GRM3: variants seen among roughly 807,000 people sequenced by gnomAD.
The protein encoded by GRM3 is glutamate metabotropic receptor 3.
GRM3 carries 26 observed loss-of-function variants against 70.5 expected under a neutral mutation model. The ratio of observed to expected loss-of-function variants is 0.37; its 90% CI spans 0.27 to 0.51. The LOEUF is 0.51. Among genes scored for constraint, GRM3 ranks in the 20% least tolerant of loss-of-function variants. GRM3 has a pLI of 0.93. For missense variants in GRM3, 859 were observed against 1,123.8 expected, an observed-to-expected ratio of 0.76 and a Z score of 3.37; for synonymous variants, 443 against 434.9, an observed-to-expected ratio of 1.02 and a Z score of -0.23.
chr7:86,786,364 T>A lies in GRM3; in HGVS notation c.572T>A (p.Val191Glu). ...CGCTATGATTACTTTGCCAGGACCG[T>A]GCCCCCCGACTTCTACCAGGCCAAA... is the stretch of plus-strand genomic sequence containing the variant. ...KSRYDYFARTVPPDFYQAKAM... is the reference protein window; with the variant it reads ...KSRYDYFARTEPPDFYQAKAM... Residue 191 changes from valine (V) to glutamate (E), a missense_variant, in exon 3 of 6, where the codon GTG becomes GAG. Val to Glu is a moderately radical substitution (Grantham distance 121). Transcript: ENST00000361669. This position sits in a 1 kb window ranked among gnomAD's most constrained non-coding sequence, Gnocchi z 6.0. The A allele has an allele frequency of 6.2e-7, 1 of 1,614,184 alleles. No homozygotes were observed. Among genetic ancestry groups the A allele is most frequent in the Non-Finnish European group, 8.5e-7 (1 of 1,180,022 alleles).
chr7:86,710,237 A>C (rs908395417), intron 1 of GRM3: 6 of 151,956 alleles, frequency 3.9e-5, no homozygotes, highest in Non-Finnish European at 7.4e-5. Context: ...TTTCTTTTCT[A>C]TGAACTCCCT....
chr7:86,699,599 G>T (rs1794903783), intron 1 of GRM3, among the ~76,000 whole-genome samples: 2 of 151,958 alleles, frequency 1.3e-5, no homozygotes, highest in Admixed American at 1.3e-4. Flanking sequence ...AATATTCTTT[G>T]GTTTTCCACA....
At chr7:86,788,808 T>G (rs925995043) in intron 3 of GRM3, among the ~76,000 whole-genome samples, 2 of 152,262 alleles carry the variant, frequency 1.3e-5, no homozygotes, top group Admixed American at 1.3e-4. Flanking sequence ...CAGGGTATTA[T>G]TTATCTTTAC....
chr7:86,814,913 T>G (rs1028119721), intron 3 of GRM3, among the ~76,000 whole-genome samples: 2 of 151,614 alleles, frequency 1.3e-5, no homozygotes, highest in Non-Finnish European at 3.0e-5. Context: ...GAATTATGCA[T>G]TAAACAGAAT....
chr7:86,824,971 T>G (rs543599127), intron 3 of GRM3, among the ~76,000 whole-genome samples: 2 of 152,198 alleles, frequency 1.3e-5, no homozygotes, highest in African/African-American at 2.4e-5. Context: ...CAGGGAGATT[T>G]TCTAAAAAGG....
chr7:86,803,875 A>G (rs1359500463), intron 3 of GRM3, among the ~76,000 whole-genome samples: 1 of 152,184 alleles, frequency 6.6e-6, no homozygotes, highest in East Asian at 1.9e-4. Context: ...AATTTTAGTA[A>G]TCGTTGTGAA....
At chr7:86,767,546 TATATATATATATAA>T (rs1357466649) in intron 2 of GRM3, among the ~76,000 whole-genome samples, 3 of 105,742 alleles carry the variant, frequency 2.8e-5, no homozygotes, top group African/African-American at 1.2e-4. Context: ...TATATATATA[TATATATATATATAA>T]ATGAAGTATG....
chr7:86,655,849 T>G (rs1055139196), intron 1 of GRM3, among the ~76,000 whole-genome samples: 82 of 144,614 alleles, frequency 5.7e-4, no homozygotes, highest in East Asian at 1.6e-3. Flanking sequence ...TGTGTGTGTG[T>G]GTGGGTGGGT....
At chr7:86,650,721 A>G (rs1793582800) in intron 1 of GRM3, among the ~76,000 whole-genome samples, 1 of 152,346 alleles carries the variant, frequency 6.6e-6, no homozygotes, top group South Asian at 2.1e-4. Context: ...TTCAATGACC[A>G]TTATCATCTG....
At chr7:86,709,352 T>A (rs1241054082) in intron 1 of GRM3, among the ~76,000 whole-genome samples, 1 of 152,052 alleles carries the variant, frequency 6.6e-6, no homozygotes, top group Non-Finnish European at 1.5e-5. Context: ...CTCCACTGCT[T>A]CATAGTTCCC....
chr7:86,743,593 TTG>T (rs1796037725), intron 1 of GRM3, among the ~76,000 whole-genome samples: 1 of 152,094 alleles, frequency 6.6e-6, no homozygotes, highest in Non-Finnish European at 1.5e-5. Context: ...CAGGGGAAAA[TTG>T]TGAGATTGAC....
chr7:86,671,947 G>A (rs1263802470), intron 1 of GRM3, among the ~76,000 whole-genome samples: 1 of 152,076 alleles, frequency 6.6e-6, no homozygotes, highest in Non-Finnish European at 1.5e-5. Context: ...CCATAAAAAA[G>A]CCCACATTAT....
At chr7:86,813,169 G>A (rs993380456) in intron 3 of GRM3, among the ~76,000 whole-genome samples, 1 of 151,556 alleles carries the variant, frequency 6.6e-6, no homozygotes, top group East Asian at 1.9e-4. Context: ...ATACCCATCA[G>A]CTAAATGCGC....
intron 3 of GRM3, among the ~76,000 whole-genome samples, chr7:86,817,843 C>A (rs1397382539): frequency 6.6e-6 from 1 of 151,988 alleles, no homozygotes; most frequent in African/African-American, 2.4e-5. Flanking sequence ...ATCAATACAA[C>A]ACCACTAAAT....
In GRM3 at chr7:86,786,414, T is replaced by C. The variant is rs369713614; in HGVS notation, c.622T>C (p.Phe208Leu). The change falls in exon 3 of 6, where the codon TTC becomes CTC. Residue 208 changes from phenylalanine (F) to leucine (L), a missense_variant. Phe to Leu is a conservative substitution (Grantham distance 22, BLOSUM62 0). Transcript: ENST00000361669. The surrounding 1 kb of genome is among the most constrained non-coding windows in gnomAD (Gnocchi z 6.0). ...AKAMAEILRF[F>L]NWTYVSTVAS... ...AGCCATGGCTGAGATCTTGCGCTTC[T>C]TCAACTGGACCTACGTGTCCACAGT... 1 of 1,614,102 alleles carries C rather than the reference T, an allele frequency of 6.2e-7. No homozygotes were observed. The highest frequency in any genetic ancestry group is 1.3e-5 in the African/African-American group (1 of 74,932).
intron 3 of GRM3, among the ~76,000 whole-genome samples, chr7:86,827,828 T>C (rs760524886): frequency 4.0e-5 from 6 of 151,828 alleles, no homozygotes; most frequent in Non-Finnish European, 7.4e-5. Context: ...GAGAGAAAAA[T>C]CCAGGCCGGT....
intron 3 of GRM3, among the ~76,000 whole-genome samples, chr7:86,821,856 C>T (rs143882497): frequency 3.9e-5 from 6 of 152,048 alleles, no homozygotes; most frequent in African/African-American, 1.4e-4. Context: ...ATTTAAAAAT[C>T]GTTCCCTTCA....
At chr7:86,672,380 G>T (rs138653910) in intron 1 of GRM3, among the ~76,000 whole-genome samples, 1 of 152,262 alleles carries the variant, frequency 6.6e-6, no homozygotes, top group African/African-American at 2.4e-5. Flanking sequence ...GGCAATAAAA[G>T]TCTATCTTGT....
chr7:86,662,937 T>C (rs959818581), intron 1 of GRM3, among the ~76,000 whole-genome samples: 1 of 151,944 alleles, frequency 6.6e-6, no homozygotes, highest in Non-Finnish European at 1.5e-5. Flanking sequence ...TTGTAGTCTT[T>C]TCTCTAATGA....
Sources: allele counts gnomAD v4.1 joint callset (sites outside exome capture counted in the v4.1 genomes callset), GRCh38; gene constraint gnomAD v4.1.1; non-coding constraint Gnocchi (gnomAD v3.1); transcripts MANE v1.5; gene names NCBI Gene and HGNC (gene_info 2026-07-23, HGNC 2026-07-21).